Variants in KAT6B observed in about 807,000 individuals in gnomAD.
KAT6B encodes the protein histone acetyltransferase KAT6B.
Under a neutral mutation model 187.5 loss-of-function variants are expected in KAT6B, and 10 were observed. The observed-to-expected ratio is 0.05, with a 90% confidence interval of 0.03 to 0.09. The LOEUF is 0.09. Among genes scored for constraint, KAT6B ranks in the 10% least tolerant of loss-of-function variants. The pLI is 1.00. For synonymous variants in KAT6B, 861 were observed against 926.8 expected (o/e 0.93, Z 1.29); for missense variants, 1,952 against 2,558.9 (o/e 0.76, Z 5.12).
Position 75,025,063 on chromosome 10 carries a change from T to A in KAT6B, c.3478T>A (p.Phe1160Ile). ...GACGACAGAAGTACTGAATGAGCCCTTTGACAACTCAGATGAAGAGAGGCC... is the reference window on the plus strand; with the variant it reads ...GACGACAGAAGTACTGAATGAGCCCATTGACAACTCAGATGAAGAGAGGCC... ...SETTEVLNEP[F>I]DNSDEERPMP... The change falls in exon 17 of 18, where the codon TTT (phenylalanine) becomes ATT (isoleucine). Residue 1160 changes from phenylalanine to isoleucine, a missense_variant. Phe to Ile is a conservative substitution (Grantham distance 21, BLOSUM62 0). Coordinates refer to ENST00000287239, the MANE Select transcript of KAT6B (RefSeq NM_012330.4). 1 of 1,614,168 alleles carries A rather than the reference T, an allele frequency of 6.2e-7. No homozygotes were observed. The highest frequency in any genetic ancestry group is 8.5e-7 in the Non-Finnish European group (1 of 1,180,026).
At chr10:75,020,977 T>G in intron 14 of KAT6B, 149 bp from the exon 15 acceptor site, 2 of 971,854 alleles carry the variant, frequency 2.1e-6, no homozygotes, top group Admixed American at 1.9e-5. Flanking sequence ...TTTTTACTGG[T>G]TGGATTCCAG....
chr10:74,866,300 A>G (rs1272983847), intron 3 of KAT6B, among the ~76,000 whole-genome samples: 2 of 151,766 alleles, frequency 1.3e-5, no homozygotes, highest in African/African-American at 4.8e-5. Flanking sequence ...TTAATGGTGA[A>G]GTGTCTTGAT....
chr10:74,928,488 T>G (rs1298978297), intron 3 of KAT6B, among the ~76,000 whole-genome samples: 1 of 152,174 alleles, frequency 6.6e-6, no homozygotes, highest in African/African-American at 2.4e-5. Flanking sequence ...GGAAGGGAGA[T>G]GAAAAATAAA....
chr10:74,966,684 C>T (rs954797375), intron 4 of KAT6B, among the ~76,000 whole-genome samples: 2 of 152,048 alleles, frequency 1.3e-5, no homozygotes, highest in African/African-American at 4.8e-5. Context: ...AAAACAAACT[C>T]CAGAAAGACA....
At chr10:75,016,448 T>C (rs1054997396) in intron 13 of KAT6B, among the ~76,000 whole-genome samples, 6 of 152,218 alleles carry the variant, frequency 3.9e-5, no homozygotes, top group African/African-American at 1.4e-4. Context: ...AAGTCAGATG[T>C]CACCTTCCCC....
intron 3 of KAT6B, among the ~76,000 whole-genome samples, chr10:74,921,303 A>G (rs1564565224): frequency 6.6e-6 from 1 of 151,986 alleles, no homozygotes; most frequent in Admixed American, 6.6e-5. Flanking sequence ...TAGTAGAGAC[A>G]AGATTTTATC....
chr10:74,963,179 G>T (rs1841222539), intron 4 of KAT6B, among the ~76,000 whole-genome samples: 2 of 152,216 alleles, frequency 1.3e-5, no homozygotes, highest in African/African-American at 4.8e-5. Context: ...TAGGTCTGTG[G>T]AAGTGTTAGA....
upstream of KAT6B, chr10:74,826,586 A>T (rs1840241110): frequency 6.6e-6 from 1 of 152,592 alleles, no homozygotes. Flanking sequence ...ATGAGACTCC[A>T]TTGGGCTGTA....
chr10:74,972,723 G>A lies in KAT6B; in HGVS notation c.1061+84G>A, dbSNP rs1719319153. On this transcript the variant is annotated intron_variant, in intron 7 of 17. Coordinates refer to ENST00000287239, the MANE Select transcript of KAT6B (RefSeq NM_012330.4). ...TGTTATTCTCTCAGATTCCTTTAGG[G>A]GTTTTTTGGCATCATTTTTTCAAAC... The A allele has an allele frequency of 6.2e-6, 8 of 1,287,422 alleles. No individual in the cohort carries two copies. The Admixed American group carries it at 1.5e-4, about 24-fold the overall frequency. 79.7% of individuals were successfully genotyped at this position (1,287,422 alleles called of 1,614,324 possible). A position where few individuals can be genotyped will look rare whatever the true frequency, so the allele number is the denominator to read the frequency against.
intron 3 of KAT6B, among the ~76,000 whole-genome samples, chr10:74,919,654 A>G (rs575351732): frequency 1.3e-5 from 2 of 151,982 alleles, no homozygotes; most frequent in Non-Finnish European, 2.9e-5. Flanking sequence ...CCGCCCACCT[A>G]GGCCTCCCAA....
chr10:75,024,582 T>G (rs2134193092), intron 16 of KAT6B, among the ~76,000 whole-genome samples: 1 of 152,352 alleles, frequency 6.6e-6, no homozygotes, highest in South Asian at 2.1e-4. Flanking sequence ...ACAGCACCAT[T>G]TATAAAGACA....
chr10:74,941,425 A>G (rs551035168), intron 3 of KAT6B, among the ~76,000 whole-genome samples: 17 of 152,380 alleles, frequency 1.1e-4, no homozygotes, highest in African/African-American at 4.1e-4. Context: ...AATAAAATTT[A>G]GAAATCTGTA....
rs532731192 is a variant in KAT6B at position 74,868,242 on chromosome 10, T to G, written c.621+24764T>G. The stretch of plus-strand genomic sequence containing the variant: ...GTTTTAAGATCAGTTTTTTGTTTGT[T>G]TATTATATTTTAAGAGACGGTGTCC... On this transcript the variant is annotated intron_variant, in intron 3 of 17. Coordinates refer to ENST00000287239, the MANE Select transcript of KAT6B (RefSeq NM_012330.4). Among the ~76,000 whole-genome samples, 5 of 152,300 alleles carry G rather than the reference T, an allele frequency of 3.3e-5. No homozygotes were observed. The South Asian group carries it at 1.0e-3, about 32-fold the overall frequency.
chr10:74,937,007 G>A (rs1849321245), intron 3 of KAT6B, among the ~76,000 whole-genome samples: 1 of 152,188 alleles, frequency 6.6e-6, no homozygotes, highest in South Asian at 2.1e-4. Flanking sequence ...TCTTTGGCAA[G>A]CATTAGAAGC....
At chr10:74,929,110 C>G (rs1239804303) in intron 3 of KAT6B, among the ~76,000 whole-genome samples, 1 of 152,198 alleles carries the variant, frequency 6.6e-6, no homozygotes. Flanking sequence ...GGCCTCATTG[C>G]TTATATCTGA....
At chr10:74,839,164 A>C (rs1196478026) in intron 2 of KAT6B, among the ~76,000 whole-genome samples, 1 of 152,120 alleles carries the variant, frequency 6.6e-6, no homozygotes, top group African/African-American at 2.4e-5. Flanking sequence ...CCCCAAAAAA[A>C]AAAAAATGAT....
At chr10:74,866,650 A>G (rs1158339945) in intron 3 of KAT6B, among the ~76,000 whole-genome samples, 1 of 152,228 alleles carries the variant, frequency 6.6e-6, no homozygotes, top group African/African-American at 2.4e-5. Flanking sequence ...TGCCATAAAT[A>G]GAAGATAACT....
intron 4 of KAT6B, among the ~76,000 whole-genome samples, chr10:74,963,523 C>T (rs927641539): frequency 4.1e-4 from 63 of 152,086 alleles, no homozygotes; most frequent in African/African-American, 1.4e-3. Context: ...CCCTTTTGTA[C>T]AATAAAGGGA....
chr10:74,876,652 G>A (rs2132468006), intron 3 of KAT6B, among the ~76,000 whole-genome samples: 1 of 152,228 alleles, frequency 6.6e-6, no homozygotes, highest in Non-Finnish European at 1.5e-5. Context: ...GGTGGCTCAT[G>A]CCTGTAATCC....
Sources: gnomAD v4.1 joint callset for allele counts (sites outside exome capture counted in the v4.1 genomes callset) on GRCh38, gnomAD v4.1.1 for gene constraint, MANE v1.5 for transcripts, NCBI Gene and HGNC (gene_info 2026-07-23, HGNC 2026-07-21) for gene names.